The following CPEB1 variants were observed in gnomAD, a reference collection of about 807,000 sequenced individuals.
CPEB1 encodes cytoplasmic polyadenylation element binding protein 1.
CPEB1 carries 7 observed loss-of-function variants against 65.8 expected under a neutral mutation model. That is an observed-to-expected ratio of 0.11 (90% CI 0.06 to 0.20). CPEB1 has a LOEUF of 0.20. Among genes scored for constraint, CPEB1 ranks in the 10% least tolerant of loss-of-function variants. The pLI is 1.00. For missense variants in CPEB1, 551 were observed against 712.2 expected (o/e 0.77, Z 2.58); for synonymous variants, 262 against 260.0 (o/e 1.01, Z -0.08).
intron 1 of CPEB1, chr15:82,629,893 G>A (rs1210772551): frequency 8.1e-6 from 8 of 985,232 alleles, no homozygotes; most frequent in East Asian, 1.1e-4. Context: ...TGAGCCTCAC[G>A]TCAGCCTCAA....
At chr15:82,648,617 G>A (rs1407926638), upstream of CPEB1, 1 of 152,382 alleles carries the variant, frequency 6.6e-6, no homozygotes, top group Non-Finnish European at 1.5e-5. Context: ...TAGGGCGAGG[G>A]CTCCAGGGCA....
At chr15:82,639,594 A>T (rs1226175504) in intron 1 of CPEB1, among the ~76,000 whole-genome samples, 3 of 152,018 alleles carry the variant, frequency 2.0e-5, no homozygotes, top group African/African-American at 7.2e-5. Context: ...GGATATATGT[A>T]TTTATCCATA....
intron 3 of CPEB1, among the ~76,000 whole-genome samples, chr15:82,611,871 A>T (rs1416339538): frequency 6.6e-6 from 1 of 151,984 alleles, no homozygotes; most frequent in African/African-American, 2.4e-5. Flanking sequence ...GAGGGATCAA[A>T]GCCAAAAGTT....
At chr15:82,593,879 A>T (rs1008375877) in intron 3 of CPEB1, among the ~76,000 whole-genome samples, 1 of 152,236 alleles carries the variant, frequency 6.6e-6, no homozygotes, top group African/African-American at 2.4e-5. Context: ...TAATATTATG[A>T]AAGGAATCCC....
chr15:82,543,512 A>C lies in CPEB1; in HGVS notation c.*1080T>G, dbSNP rs886236090. The C allele has an allele frequency of 1.4e-4, 18 of 129,838 alleles. No individual in the cohort carries two copies. Among genetic ancestry groups the C allele is most frequent in the African/African-American group, 5.2e-4 (18 of 34,322 alleles). 8.0% of individuals were successfully genotyped at this position (129,838 alleles called of 1,614,324 possible). On this transcript the variant is annotated 3_prime_UTR_variant, in exon 13 of 13. Transcript: ENST00000684509. ...AAAGAAAAAAAAGTCAAGTTTTCAAATTCCAGTGGCATTTCAGTCAACTGC... is the reference window on the plus strand; with the variant it reads ...AAAGAAAAAAAAGTCAAGTTTTCAACTTCCAGTGGCATTTCAGTCAACTGC...
chr15:82,592,437 G>C (rs1404011568), intron 3 of CPEB1, among the ~76,000 whole-genome samples: 2 of 151,464 alleles, frequency 1.3e-5, no homozygotes, highest in South Asian at 2.1e-4. Flanking sequence ...AAAATACAGG[G>C]ACTGGTACGG....
intron 3 of CPEB1, chr15:82,571,884 G>C: frequency 9.6e-7 from 1 of 1,045,666 alleles, no homozygotes; most frequent in Non-Finnish European, 1.2e-6. Context: ...AGGAGGGGAC[G>C]ACAGGGAGGA....
At chr15:82,581,382 C>G (rs1223891782) in intron 3 of CPEB1, among the ~76,000 whole-genome samples, 1 of 152,172 alleles carries the variant, frequency 6.6e-6, no homozygotes, top group African/African-American at 2.4e-5. Flanking sequence ...TACCTTTTGA[C>G]TATTGTAAAT....
At chr15:82,646,434 A>T (rs765034595) in intron 1 of CPEB1, among the ~76,000 whole-genome samples, 31 of 152,290 alleles carry the variant, frequency 2.0e-4, no homozygotes, top group Middle Eastern at 3.4e-3. Context: ...GGCGTCAGTC[A>T]GGGCCGGGGC....
chr15:82,624,846 T>G (rs63615860), intron 3 of CPEB1, among the ~76,000 whole-genome samples: 1 of 144,836 alleles, frequency 6.9e-6, no homozygotes, highest in Non-Finnish European at 1.5e-5. Flanking sequence ...TTTTTTTTTT[T>G]GGCAGAGGTG....
rs1418933151 is a variant in CPEB1, at chr15:82,628,551, C to T, written c.-92G>A. On this transcript the variant is annotated 5_prime_UTR_variant, in exon 2 of 13. In the 5' UTR this introduces an upstream ATG that the reference lacks. Coordinates refer to ENST00000684509, the MANE Select transcript of CPEB1 (RefSeq NM_001365242.1). ...TACAGACCCTTCTATTACACAGGCA[C>T]TGAAACTAACGCAAATGGTGGAATT... is the stretch of plus-strand genomic sequence containing the variant. 4 of 649,696 alleles carry T rather than the reference C, an allele frequency of 6.2e-6. No homozygotes were observed. The African/African-American group carries it at 7.2e-5, about 12-fold the overall frequency. The allele number at this position is 649,696 out of a possible 1,614,324, so 40.2% of individuals were successfully genotyped here.
intron 3 of CPEB1, among the ~76,000 whole-genome samples, chr15:82,574,762 T>C (rs377056855): frequency 8.2e-6 from 1 of 122,432 alleles, no homozygotes; most frequent in Non-Finnish European, 1.7e-5. Flanking sequence ...TCATAAACCA[T>C]GTTCATGTAC....
chr15:82,601,242 A>AAT (rs2043097339), intron 3 of CPEB1, among the ~76,000 whole-genome samples: 1 of 149,972 alleles, frequency 6.7e-6, no homozygotes, highest in East Asian at 2.0e-4. Flanking sequence ...GTTTTCTTAA[A>AAT]AAAAAAAAGA....
chr15:82,648,145 G>A (rs905004178), upstream of CPEB1: 10 of 348,908 alleles, frequency 2.9e-5, no homozygotes, highest in Non-Finnish European at 5.2e-5. Context: ...CCCGGAACCC[G>A]GCGGGGACTG....
At chr15:82,584,445 A>C (rs1292852859) in intron 3 of CPEB1, among the ~76,000 whole-genome samples, 1 of 151,888 alleles carries the variant, frequency 6.6e-6, no homozygotes, top group Non-Finnish European at 1.5e-5. Context: ...TGGGAGGCAA[A>C]GGTAGGTGGA....
chr15:82,571,945 G>T, intron 3 of CPEB1: 1 of 765,722 alleles, frequency 1.3e-6, no homozygotes, highest in Non-Finnish European at 1.6e-6. Flanking sequence ...AATAGTCCCG[G>T]TGCAGTGCCG....
intron 3 of CPEB1, among the ~76,000 whole-genome samples, chr15:82,618,530 A>G (rs2044978672): frequency 2.0e-5 from 3 of 152,212 alleles, no homozygotes; most frequent in Non-Finnish European, 4.4e-5. Context: ...ACAGATGAAC[A>G]AAAGCAATAA....
At chr15:82,628,237 T>C (rs1046578827) in intron 2 of CPEB1, 127 bp downstream of exon 2, 9 of 702,868 alleles carry the variant, frequency 1.3e-5, no homozygotes, top group Non-Finnish European at 2.1e-5. Flanking sequence ...ATGTTGTACA[T>C]GACTTCACAG....
chr15:82,571,965 G>T, intron 3 of CPEB1: 3 of 620,830 alleles, frequency 4.8e-6, no homozygotes, highest in Non-Finnish European at 4.0e-6. Flanking sequence ...GTTAAGTCTG[G>T]GTTGCAAGGC....
Sources: gnomAD v4.1 joint callset for allele counts (sites outside exome capture counted in the v4.1 genomes callset) on GRCh38, gnomAD v4.1.1 for gene constraint, MANE v1.5 for transcripts, NCBI Gene and HGNC (gene_info 2026-07-23, HGNC 2026-07-21) for gene names.